TMEM163: variants seen among roughly 807,000 people sequenced by gnomAD.
The protein encoded by TMEM163 is transmembrane protein 163.
Under a neutral mutation model 29.3 loss-of-function variants are expected in TMEM163, and 17 were observed. The observed-to-expected ratio is 0.58, with a 90% CI of 0.40 to 0.87. The LOEUF (loss-of-function observed/expected upper bound fraction) is 0.87. Among genes scored for constraint, TMEM163 ranks in the 40% least tolerant of loss-of-function variants. The pLI, the probability that TMEM163 is intolerant of heterozygous loss-of-function variation, is 0.00. For missense variants in TMEM163, 303 were observed against 381.5 expected, an observed-to-expected ratio of 0.79 and a Z score of 1.71; for synonymous variants, 157 against 160.6, an observed-to-expected ratio of 0.98 and a Z score of 0.17.
rs963710858 is a variant in TMEM163 at position 134,718,966 on chromosome 2, A to G, written c.-31T>C. On this transcript the variant is annotated 5_prime_UTR_variant, in exon 1 of 8. Coordinates refer to ENST00000281924, the MANE Select transcript of TMEM163 (RefSeq NM_030923.5). Reference sequence around the variant, plus strand: ...GGGGCTGCGGATCCCGGCGGCGGCGACGACAAGCGCGGCGGGGACTCGAGT... The same window carrying G: ...GGGGCTGCGGATCCCGGCGGCGGCGGCGACAAGCGCGGCGGGGACTCGAGT... 7.8e-6 allele frequency: 8 copies of G among 1,019,526 alleles called. No individual in the cohort carries two copies. The African/African-American group carries it at 1.1e-4, about 13-fold the overall frequency. The allele number at this position is 1,019,526 out of a possible 1,614,324, so 63.2% of individuals were successfully genotyped here.
At chr2:134,530,003 C>T (rs1488418146) in intron 4 of TMEM163, among the ~76,000 whole-genome samples, 1 of 152,052 alleles carries the variant, frequency 6.6e-6, no homozygotes, top group Non-Finnish European at 1.5e-5. Context: ...CTGCCAAGGC[C>T]ACTTCCCACC....
intron 2 of TMEM163, among the ~76,000 whole-genome samples, chr2:134,618,722 G>GA (rs1167060352): frequency 1.3e-5 from 2 of 151,834 alleles, no homozygotes; most frequent in South Asian, 4.1e-4. Context: ...AGACACTTGG[G>GA]AAATCACCAA....
intron 4 of TMEM163, among the ~76,000 whole-genome samples, chr2:134,519,981 T>C (rs1680159966): frequency 6.6e-6 from 1 of 151,740 alleles, no homozygotes; most frequent in African/African-American, 2.4e-5. Flanking sequence ...TGAATGATTA[T>C]GGGCCAGATG....
intron 1 of TMEM163, among the ~76,000 whole-genome samples, chr2:134,717,999 G>A (rs1685070974): frequency 2.6e-5 from 4 of 152,222 alleles, no homozygotes; most frequent in Admixed American, 2.0e-4. Flanking sequence ...CTCCAGGCCA[G>A]TGTCAGTGGA....
intron 4 of TMEM163, among the ~76,000 whole-genome samples, chr2:134,509,408 G>A (rs1679899160): frequency 1.3e-5 from 2 of 152,184 alleles, no homozygotes; most frequent in African/African-American, 2.4e-5. Flanking sequence ...ACTGCTCTAG[G>A]AAACTATGTG....
intron 2 of TMEM163, among the ~76,000 whole-genome samples, chr2:134,677,386 C>T (rs1019809431): frequency 1.3e-5 from 2 of 152,102 alleles, no homozygotes; most frequent in Non-Finnish European, 1.5e-5. Flanking sequence ...AATCCACACA[C>T]GAAAAGGCAT....
intron 2 of TMEM163, among the ~76,000 whole-genome samples, chr2:134,628,045 G>A (rs1017864683): frequency 6.6e-6 from 1 of 152,166 alleles, no homozygotes; most frequent in African/African-American, 2.4e-5. Flanking sequence ...TTGAAAAAAT[G>A]TGGGGAAATG....
chr2:134,697,463 AT>A (rs3039626), intron 2 of TMEM163, among the ~76,000 whole-genome samples: 34,345 of 133,478 alleles, frequency 0.26, 4,238 homozygotes, highest in African/African-American at 0.44. Context: ...TTTCTTCTCA[AT>A]TTTTTTTTTT....
chr2:134,658,185 G>A (rs376758335), intron 2 of TMEM163, among the ~76,000 whole-genome samples: 22 of 152,328 alleles, frequency 1.4e-4, no homozygotes, highest in African/African-American at 4.8e-4. Flanking sequence ...AAAAGCCTAT[G>A]AGAACATGAA....
intron 5 of TMEM163, among the ~76,000 whole-genome samples, chr2:134,484,222 G>C (rs541694235): frequency 3.4e-4 from 52 of 152,010 alleles, no homozygotes; most frequent in African/African-American, 1.2e-3. Context: ...AGCACAACGC[G>C]TGGAGGAAAA....
chr2:134,709,107 C>T (rs939007238), intron 2 of TMEM163, among the ~76,000 whole-genome samples: 1 of 152,152 alleles, frequency 6.6e-6, no homozygotes, highest in Admixed American at 6.5e-5. Context: ...ACAAAGATAT[C>T]AGTGATGTCA....
intron 2 of TMEM163, among the ~76,000 whole-genome samples, chr2:134,578,116 A>C (rs2104792138): frequency 6.6e-6 from 1 of 152,326 alleles, no homozygotes; most frequent in Non-Finnish European, 1.5e-5. Flanking sequence ...TATTTTTGAT[A>C]ATACAGTTAT....
chr2:134,564,074 G>A (rs1450689743), intron 2 of TMEM163, among the ~76,000 whole-genome samples: 2 of 151,984 alleles, frequency 1.3e-5, no homozygotes, highest in African/African-American at 4.8e-5. Flanking sequence ...GTGGCAGGGT[G>A]GGCAGGGAGA....
At chr2:134,594,455 C>CA (rs1309543356) in intron 2 of TMEM163, among the ~76,000 whole-genome samples, 3 of 149,906 alleles carry the variant, frequency 2.0e-5, no homozygotes, top group African/African-American at 7.3e-5. Context: ...AATCCCATTT[C>CA]AAAAAAAAAT....
chr2:134,487,839 CCAAATA>C (rs1211764996), intron 5 of TMEM163, among the ~76,000 whole-genome samples: 3 of 152,052 alleles, frequency 2.0e-5, no homozygotes, highest in African/African-American at 7.2e-5. Flanking sequence ...CTACCTCATA[CCAAATA>C]CAAATTCTAG....
chr2:134,479,324 T>A (rs1409608159), intron 5 of TMEM163, among the ~76,000 whole-genome samples: 1 of 152,196 alleles, frequency 6.6e-6, no homozygotes, highest in Non-Finnish European at 1.5e-5. Flanking sequence ...GACCAGTGCA[T>A]CTGAGTGGAA....
chr2:134,517,407 T>C (rs1174984444), intron 4 of TMEM163, among the ~76,000 whole-genome samples: 1 of 152,222 alleles, frequency 6.6e-6, no homozygotes, highest in Non-Finnish European at 1.5e-5. Flanking sequence ...GAAAAGTCTA[T>C]GAGCTACCCA....
chr2:134,680,190 A>G (rs909340480), intron 2 of TMEM163, among the ~76,000 whole-genome samples: 1 of 152,230 alleles, frequency 6.6e-6, no homozygotes, highest in Admixed American at 6.5e-5. Flanking sequence ...GTTTTGGAGC[A>G]AAAAATCTTA....
intron 2 of TMEM163, among the ~76,000 whole-genome samples, chr2:134,575,189 G>C (rs1021925224): frequency 3.2e-4 from 49 of 152,268 alleles, no homozygotes; most frequent in African/African-American, 1.1e-3. Context: ...GAGGAAGTAA[G>C]TGACCACAAA....
Sources: gnomAD v4.1 joint callset for allele counts (sites outside exome capture counted in the v4.1 genomes callset) on GRCh38, gnomAD v4.1.1 for gene constraint, MANE v1.5 for transcripts, NCBI Gene and HGNC (gene_info 2026-07-23, HGNC 2026-07-21) for gene names.